The following PRMT8 variants were observed in gnomAD, a reference collection of about 807,000 sequenced individuals.
The protein encoded by PRMT8 is protein arginine methyltransferase 8.
Under a neutral mutation model 47.1 loss-of-function variants are expected in PRMT8, and 7 were observed. That is an observed-to-expected ratio of 0.15 (90% confidence interval 0.08 to 0.28). The LOEUF (loss-of-function observed/expected upper bound fraction) is 0.28. Ranked by LOEUF, PRMT8 falls within the 10% of genes least tolerant of loss-of-function variation. The pLI is 1.00. For synonymous variants in PRMT8, 188 were observed against 186.5 expected (o/e 1.01, Z -0.07); for missense variants, 237 against 505.4 (o/e 0.47, Z 5.09).
chr12:3,558,407 C>T (rs1866564750), intron 4 of PRMT8, among the ~76,000 whole-genome samples: 1 of 152,130 alleles, frequency 6.6e-6, no homozygotes, highest in Admixed American at 6.5e-5. Flanking sequence ...CATTTCAAAC[C>T]AACGAGGACA....
rs543851124 is a variant in PRMT8, at chr12:3,532,590, C to T, written c.76-8016C>T. On this transcript the variant is annotated intron_variant, in intron 1 of 9. Transcript: ENST00000382622. ...TCACGCCACTGCACTCCAGCCTGGG[C>T]GACAGAGTAAGACTCCGTCTCAAAA... Among the ~76,000 whole-genome samples, 926 of 105,834 alleles carry T rather than the reference C, an allele frequency of 8.7e-3. 8 individuals are homozygous for T. The highest frequency in any genetic ancestry group is 0.019 in the Admixed American group (124 of 6,584). 69.4% of individuals were successfully genotyped at this position (105,834 alleles called of 152,430 possible). A position where few individuals can be genotyped will look rare whatever the true frequency, so the allele number is the denominator to read the frequency against.
Position 3,549,922 on chromosome 12 carries a change from T to A in PRMT8, c.262-14T>A. The A allele has an allele frequency of 6.2e-7, 1 of 1,612,020 alleles. No homozygotes were observed. Among genetic ancestry groups the A allele is most frequent in the Non-Finnish European group, 8.5e-7 (1 of 1,178,254 alleles). ...GAATTCACTGACATTTCCTTTCTTTTCCCTCCATCACAGGAAATGCTGAAG... is the reference window on the plus strand; with the variant it reads ...GAATTCACTGACATTTCCTTTCTTTACCCTCCATCACAGGAAATGCTGAAG... On this transcript the variant is annotated splice_polypyrimidine_tract_variant and intron_variant, in intron 2 of 9. Transcript: ENST00000382622.
In PRMT8 at chr12:3,568,956, C is replaced by T. The variant is rs1866789725; in HGVS notation, c.624+108C>T. 14 of 1,432,892 alleles carry T rather than the reference C, an allele frequency of 9.8e-6. No homozygotes were observed. In the Middle Eastern group the frequency reaches 9.8e-4, roughly 100 times the overall value. The allele number at this position is 1,432,892 out of a possible 1,614,324, so 88.8% of individuals were successfully genotyped here. On this transcript the variant is annotated intron_variant, in intron 5 of 9. Transcript: ENST00000382622. ...CGAAGACTTCAGAGAAGACTGAGGC[C>T]AGGAGGTCACTGCCCCAAGCCCCTC... is the stretch of plus-strand genomic sequence containing the variant.
At chr12:3,441,387 G>A (rs1039275511) in intron 1 of PRMT8, among the ~76,000 whole-genome samples, 8 of 152,208 alleles carry the variant, frequency 5.3e-5, no homozygotes, top group South Asian at 2.1e-4. Context: ...AACAACTCAC[G>A]TTTCCTCAAC....
intron 1 of PRMT8, among the ~76,000 whole-genome samples, chr12:3,401,410 G>A (rs1330033032): frequency 2.0e-5 from 3 of 152,004 alleles, no homozygotes; most frequent in East Asian, 1.9e-4. Flanking sequence ...CTTGAAAATC[G>A]GCACAAGAAA....
chr12:3,486,332 G>A (rs1427203890), upstream of PRMT8, among the ~76,000 whole-genome samples: 1 of 151,880 alleles, frequency 6.6e-6, no homozygotes, highest in African/African-American at 2.4e-5. Flanking sequence ...GACCCCCGAT[G>A]GTACCTAAAT....
chr12:3,510,346 A>G (rs958046891), intron 1 of PRMT8, among the ~76,000 whole-genome samples: 1 of 152,168 alleles, frequency 6.6e-6, no homozygotes, highest in Non-Finnish European at 1.5e-5. Flanking sequence ...TATATATTGC[A>G]CTGTAGGATG....
At chr12:3,533,631 C>T (rs1321426218) in intron 1 of PRMT8, among the ~76,000 whole-genome samples, 2 of 152,346 alleles carry the variant, frequency 1.3e-5, no homozygotes, top group Non-Finnish European at 2.9e-5. Context: ...GCTACCTACC[C>T]TAGCACAGTA....
chr12:3,434,812 C>T (rs1864719399), intron 1 of PRMT8, among the ~76,000 whole-genome samples: 1 of 151,098 alleles, frequency 6.6e-6, no homozygotes. Flanking sequence ...TTACATGAGG[C>T]TGCAATGAAA....
rs1555085718 is a variant in PRMT8 at position 3,496,214 on chromosome 12, ATTTTTTTTT to A, written c.75+4532_75+4540del. On this transcript the variant is annotated intron_variant, in intron 1 of 9. Coordinates refer to ENST00000382622, the MANE Select transcript of PRMT8 (RefSeq NM_019854.5). Reference sequence around the variant, plus strand: ...TTTGGAAACTGATATATATATATATATTTTTTTTTTTTTTTTTTTTTTTTTTGAATGTTC... The same window carrying A: ...TTTGGAAACTGATATATATATATATATTTTTTTTTTTTTTTTTGAATGTTC... Among the ~76,000 whole-genome samples the A allele has an allele frequency of 7.9e-4, 22 of 27,776 alleles. 1 individual carries two copies. The highest frequency in any genetic ancestry group is 1.8e-3 in the African/African-American group (21 of 11,360). 18.2% of individuals were successfully genotyped at this position (27,776 alleles called of 152,430 possible). A position where few individuals can be genotyped will look rare whatever the true frequency, so the allele number is the denominator to read the frequency against.
intron 1 of PRMT8, among the ~76,000 whole-genome samples, chr12:3,512,640 G>A (rs532809659): frequency 5.3e-5 from 8 of 152,154 alleles, no homozygotes; most frequent in East Asian, 3.9e-4. Flanking sequence ...CACTGTTTAC[G>A]TCCATCTCCT....
At chr12:3,581,224 C>T (rs941486391) in intron 7 of PRMT8, among the ~76,000 whole-genome samples, 3 of 152,012 alleles carry the variant, frequency 2.0e-5, no homozygotes, top group East Asian at 1.9e-4. Context: ...GGGTGATGAG[C>T]GGTCAGACAT....
At chr12:3,412,649 TA>T (rs1864443032) in intron 1 of PRMT8, among the ~76,000 whole-genome samples, 1 of 152,208 alleles carries the variant, frequency 6.6e-6, no homozygotes, top group Non-Finnish European at 1.5e-5. Flanking sequence ...ACCTTTTTAT[TA>T]AAAACTAAGA....
rs1247972117 is a variant in PRMT8, at chr12:3,514,739, A to G, written c.75+23039A>G. Among the ~76,000 whole-genome samples, 1 of 152,022 alleles carries G rather than the reference A, an allele frequency of 6.6e-6. No homozygotes were observed. The highest frequency in any genetic ancestry group is 1.5e-5 in the Non-Finnish European group (1 of 67,992). On this transcript the variant is annotated intron_variant, in intron 1 of 9. Coordinates refer to ENST00000382622, the MANE Select transcript of PRMT8 (RefSeq NM_019854.5). This position sits in a 1 kb window ranked among gnomAD's most constrained non-coding sequence, Gnocchi z 5.9. ...GTGGGAGGGTGGGGGAGGGAGGGGC[A>G]TTGATTCCCTCGGCCCCTCCCTATG...
chr12:3,546,277 A>G (rs529110018), intron 2 of PRMT8, among the ~76,000 whole-genome samples: 2 of 152,376 alleles, frequency 1.3e-5, no homozygotes, highest in African/African-American at 4.8e-5. Context: ...CTTCTACCTT[A>G]TGAAGCTAGA....
intron 4 of PRMT8, among the ~76,000 whole-genome samples, chr12:3,560,873 C>A (rs3782753): frequency 0.25 from 37,875 of 152,094 alleles, 5,196 homozygotes; most frequent in East Asian, 0.46. Context: ...GGCCAGTGCA[C>A]AGCTCGTAAG....
At chr12:3,467,431 C>T (rs1358502103) in intron 1 of PRMT8, among the ~76,000 whole-genome samples, 1 of 152,032 alleles carries the variant, frequency 6.6e-6, no homozygotes, top group Non-Finnish European at 1.5e-5. Context: ...AGGCCACAGG[C>T]TGATTGTCCC....
intron 1 of PRMT8, among the ~76,000 whole-genome samples, chr12:3,439,231 G>A (rs1191390498): frequency 1.3e-5 from 2 of 152,086 alleles, no homozygotes; most frequent in Non-Finnish European, 2.9e-5. Context: ...TGTATGACTT[G>A]TTTTCACTTA....
In PRMT8 at chr12:3,530,569, T is replaced by G. The variant is rs376569807; in HGVS notation, c.76-10037T>G. On this transcript the variant is annotated intron_variant, in intron 1 of 9. Coordinates refer to ENST00000382622, the MANE Select transcript of PRMT8 (RefSeq NM_019854.5). Reference sequence around the variant, plus strand: ...TCAGCGGCTGGAGAAAATGACTGATTTTCAATGATGGCTACCTTCCTAAAG... The same window carrying G: ...TCAGCGGCTGGAGAAAATGACTGATGTTCAATGATGGCTACCTTCCTAAAG... Among the ~76,000 whole-genome samples the G allele has an allele frequency of 1.7e-3, 265 of 152,186 alleles. 1 individual carries two copies. The highest frequency in any genetic ancestry group is 6.3e-3 in the African/African-American group (260 of 41,520).
Sources: allele counts gnomAD v4.1 joint callset (sites outside exome capture counted in the v4.1 genomes callset), GRCh38; gene constraint gnomAD v4.1.1; non-coding constraint Gnocchi (gnomAD v3.1); transcripts MANE v1.5; gene names NCBI Gene and HGNC (gene_info 2026-07-23, HGNC 2026-07-21).